SRGAP3: variants seen among roughly 807,000 people sequenced by gnomAD.
SRGAP3 encodes the protein SLIT-ROBO Rho GTPase activating protein 3.
A neutral mutation model predicts 121.1 loss-of-function variants in SRGAP3; 39 were observed. The observed-to-expected ratio is 0.32, with a 90% CI of 0.25 to 0.42. The LOEUF is 0.42. Ranked by LOEUF, SRGAP3 falls within the 10% of genes least tolerant of loss-of-function variation. SRGAP3 has a pLI of 1.00. For missense variants in SRGAP3, 1,213 were observed against 1,470.6 expected (o/e 0.82, Z 2.86); for synonymous variants, 601 against 570.0 (o/e 1.05, Z -0.77).
At chr3:9,036,741 C>T (rs1944764663) in intron 11 of SRGAP3, 1 of 152,168 alleles carries the variant, frequency 6.6e-6, no homozygotes, top group East Asian at 1.9e-4. Context: ...CTCAATTCAT[C>T]CCCCATCTGT....
intron 1 of SRGAP3, among the ~76,000 whole-genome samples, chr3:9,210,516 T>C (rs987245190): frequency 1.3e-5 from 2 of 151,946 alleles, no homozygotes; most frequent in Non-Finnish European, 2.9e-5. Flanking sequence ...AATAGAATAA[T>C]GTAGATCAAT....
intron 3 of SRGAP3, among the ~76,000 whole-genome samples, chr3:9,298,739 G>A (rs1163922440): frequency 6.6e-6 from 1 of 152,158 alleles, no homozygotes; most frequent in Non-Finnish European, 1.5e-5. Flanking sequence ...TAGATAGAGA[G>A]AGAAATAGCA....
At chr3:9,075,457 C>T (rs1483180384) in intron 4 of SRGAP3, among the ~76,000 whole-genome samples, 1 of 152,116 alleles carries the variant, frequency 6.6e-6, no homozygotes, top group Non-Finnish European at 1.5e-5. Context: ...CCTCAAGGTG[C>T]TAAGGGCTGA....
At chr3:9,361,099 A>G (rs1038817238) in intron 1 of SRGAP3, among the ~76,000 whole-genome samples, 3 of 152,028 alleles carry the variant, frequency 2.0e-5, no homozygotes, top group Non-Finnish European at 4.4e-5. Context: ...CAAGCCCTTT[A>G]CATATTTTTC....
At chr3:9,240,579 T>A (rs1339286732) in intron 1 of SRGAP3, among the ~76,000 whole-genome samples, 1 of 152,084 alleles carries the variant, frequency 6.6e-6, no homozygotes, top group Non-Finnish European at 1.5e-5. Flanking sequence ...TATGTATTGA[T>A]CACCAACTAG....
chr3:9,050,940 G>T (rs898725397), intron 9 of SRGAP3, among the ~76,000 whole-genome samples: 1 of 148,966 alleles, frequency 6.7e-6, no homozygotes, highest in African/African-American at 2.4e-5. Flanking sequence ...GCAGTTATAA[G>T]ATGGAGGTGG....
At chr3:9,063,124 C>CT (rs766958753) in intron 5 of SRGAP3, among the ~76,000 whole-genome samples, 1,294 of 80,030 alleles carry the variant, frequency 0.016, 161 homozygotes, top group African/African-American at 0.04. Flanking sequence ...TAGAGACAAT[C>CT]TTTTTTTTTT....
chr3:9,136,205 A>G (rs1949641415), intron 1 of SRGAP3, among the ~76,000 whole-genome samples: 1 of 151,530 alleles, frequency 6.6e-6, no homozygotes, highest in South Asian at 2.1e-4. Flanking sequence ...TGCACAAAAG[A>G]CTCGTGCGCT....
intron 10 of SRGAP3, among the ~76,000 whole-genome samples, chr3:9,043,661 C>T (rs3933081): frequency 0.17 from 26,540 of 152,030 alleles, 2,433 homozygotes; most frequent in Non-Finnish European, 0.21. Context: ...TCAAAACTTG[C>T]CTATCCTTTA....
upstream of SRGAP3, chr3:9,249,649 T>C (rs777480908): frequency 1.7e-4 from 40 of 234,452 alleles, no homozygotes; most frequent in Non-Finnish European, 3.2e-4. Flanking sequence ...GCTGGACTGC[T>C]CGCCCTGCAG....
At chr3:9,210,870 C>T (rs1952423643) in intron 1 of SRGAP3, among the ~76,000 whole-genome samples, 1 of 151,988 alleles carries the variant, frequency 6.6e-6, no homozygotes, top group Non-Finnish European at 1.5e-5. Flanking sequence ...GCAAAGGTGT[C>T]CAGGATAAAC....
intron 2 of SRGAP3, among the ~76,000 whole-genome samples, chr3:9,110,827 G>T (rs1024781579): frequency 1.3e-5 from 2 of 152,260 alleles, no homozygotes; most frequent in Non-Finnish European, 2.9e-5. Flanking sequence ...TGGCCACAAT[G>T]GTACCAGGCA....
chr3:9,170,829 C>A (rs754686940), intron 1 of SRGAP3, among the ~76,000 whole-genome samples: 2 of 152,206 alleles, frequency 1.3e-5, no homozygotes, highest in South Asian at 2.1e-4. Flanking sequence ...CTCCTCTCCC[C>A]CAAGCCCTTC....
At chr3:9,313,767 G>A (rs1955292797) in intron 3 of SRGAP3, among the ~76,000 whole-genome samples, 1 of 152,054 alleles carries the variant, frequency 6.6e-6, no homozygotes, top group South Asian at 2.1e-4. Flanking sequence ...GGCCGAGATG[G>A]ACAGATCACC....
chr3:9,232,291 G>A (rs139495909), intron 1 of SRGAP3, among the ~76,000 whole-genome samples: 24 of 152,194 alleles, frequency 1.6e-4, no homozygotes, highest in African/African-American at 5.3e-4. Flanking sequence ...TGTCAACTTC[G>A]TGGAATTTTA....
rs1409754584 is a variant in SRGAP3 at position 8,992,967 on chromosome 3, T to C, written c.2497A>G (p.Asn833Asp). Residue 833 changes from asparagine (N) to aspartate (D), a missense_variant, in exon 20 of 22, where the codon AAC becomes GAC. This residue lies in a region of SRGAP3 where 420 missense variants were observed against 437.7 expected (regional missense o/e 0.96). Coordinates refer to ENST00000383836, the MANE Select transcript of SRGAP3 (RefSeq NM_014850.4). ...TGCTCCGTGGGGGACTGGAGGTCGT[T>C]TTTGGAAGAGGCCTTGTCATCCAGC... is the stretch of plus-strand genomic sequence containing the variant. Reference protein sequence around the residue: ...PLLDDKASSKNDLQSPTEHIS... With the variant: ...PLLDDKASSKDDLQSPTEHIS... 6.2e-7 allele frequency: 1 copy of C among 1,614,080 alleles called. No homozygotes were observed. Among genetic ancestry groups the C allele is most frequent in the African/African-American group, 1.3e-5 (1 of 74,912 alleles).
chr3:9,092,515 C>A (rs1219712620), intron 3 of SRGAP3, among the ~76,000 whole-genome samples: 1 of 152,088 alleles, frequency 6.6e-6, no homozygotes, highest in Non-Finnish European at 1.5e-5. Context: ...ATTGTTGAAC[C>A]TATTTTGAAG....
At chr3:9,015,355 C>T (rs982520407) in intron 15 of SRGAP3, among the ~76,000 whole-genome samples, 26 of 152,296 alleles carry the variant, frequency 1.7e-4, no homozygotes, top group African/African-American at 5.3e-4. Context: ...CTCTGATCTG[C>T]GAAACCAAGT....
intron 1 of SRGAP3, among the ~76,000 whole-genome samples, chr3:9,332,283 C>A (rs1955621773): frequency 6.6e-6 from 1 of 152,184 alleles, no homozygotes; most frequent in African/African-American, 2.4e-5. Flanking sequence ...CCACACCCAA[C>A]TAATTTTTGT....
Sources: gnomAD v4.1 joint callset for allele counts (sites outside exome capture counted in the v4.1 genomes callset) on GRCh38, gnomAD v4.1.1 for gene constraint, gnomAD v4.1.1 regional missense constraint, MANE v1.5 for transcripts, NCBI Gene and HGNC (gene_info 2026-07-23, HGNC 2026-07-21) for gene names.